ZNF624: variants seen among roughly 807,000 people sequenced by gnomAD.
ZNF624 encodes zinc finger protein 624.
ZNF624 carries 43 observed loss-of-function variants against 74.7 expected under a neutral mutation model. The ratio of observed to expected loss-of-function variants is 0.58; its 90% CI spans 0.45 to 0.74. ZNF624 has a LOEUF of 0.74. Ranked by LOEUF, ZNF624 falls within the 30% of genes least tolerant of loss-of-function variation. The pLI is 0.00. For synonymous variants in ZNF624, 331 were observed against 341.3 expected, an observed-to-expected ratio of 0.97 and a Z score of 0.33; for missense variants, 820 against 1,030.0, an observed-to-expected ratio of 0.80 and a Z score of 2.79.
At chr17:16,628,775 TA>T (rs373568155) in intron 5 of ZNF624, among the ~76,000 whole-genome samples, 122 of 138,712 alleles carry the variant, frequency 8.8e-4, no homozygotes, top group East Asian at 8.4e-4. Flanking sequence ...CCACAAGAGA[TA>T]AAAAAAAAAA....
chr17:16,625,384 G>T (rs1399887439), intron 5 of ZNF624, among the ~76,000 whole-genome samples: 3 of 152,164 alleles, frequency 2.0e-5, no homozygotes, highest in Non-Finnish European at 4.4e-5. Flanking sequence ...GTTTCGCCAT[G>T]TTGGCCAGGC....
chr17:16,624,479 GC>G lies in ZNF624; in HGVS notation c.406del (p.Ala136LeufsTer17). 6.3e-7 allele frequency: 1 copy of G among 1,582,844 alleles called. No homozygotes were observed. The highest frequency in any genetic ancestry group is 8.5e-7 in the Non-Finnish European group (1 of 1,169,896). Reference sequence around the variant, plus strand: ...TTCAGAAATAGCCTTTGTTCGTGTAGCCTTCTTGGTTGCAGGTTTGGGCTCC... The same window carrying G: ...TTCAGAAATAGCCTTTGTTCGTGTAGCTTCTTGGTTGCAGGTTTGGGCTCC... ...DMEPKPATKK[A>X]TRTKAISEDL... On this transcript the variant is annotated frameshift_variant, in exon 6 of 6. Transcript: ENST00000311331. LOFTEE classifies it high-confidence loss of function.
chr17:16,630,445 T>C (rs1372769002), intron 5 of ZNF624, among the ~76,000 whole-genome samples: 3 of 152,084 alleles, frequency 2.0e-5, no homozygotes, highest in African/African-American at 7.2e-5. Flanking sequence ...TAATCCCAGC[T>C]ACTGAAGAGG....
Position 16,622,872 on chromosome 17 carries a change from C to G in ZNF624, c.2014G>C (p.Glu672Gln). ...HTGEKPYKCN[E>Q]CEKAFTNTSQ... ...GTATTAGTGAAGGCTTTCTCACATTCATTACATTTATATGGTTTTTCTCCA... is the reference window on the plus strand; with the variant it reads ...GTATTAGTGAAGGCTTTCTCACATTGATTACATTTATATGGTTTTTCTCCA... The change falls in exon 6 of 6, where the codon GAA becomes CAA. Residue 672 changes from glutamate to glutamine, a missense_variant. Physicochemically the swap from Glu to Gln is conservative, Grantham distance 29. Transcript: ENST00000311331. 1 of 1,613,890 alleles carries G rather than the reference C, an allele frequency of 6.2e-7. No individual in the cohort carries two copies. Among genetic ancestry groups the G allele is most frequent in the African/African-American group, 1.3e-5 (1 of 75,020 alleles).
intron 2 of ZNF624, among the ~76,000 whole-genome samples, chr17:16,648,169 C>G (rs1003969912): frequency 3.3e-5 from 5 of 151,788 alleles, no homozygotes; most frequent in Admixed American, 3.3e-4. Flanking sequence ...GTCTTGAACT[C>G]CTGGGCTCAG....
chr17:16,634,938 T>C, intron 3 of ZNF624, among the ~76,000 whole-genome samples, 182 bp from the exon 4 acceptor site: 1 of 152,230 alleles, frequency 6.6e-6, no homozygotes, highest in East Asian at 1.9e-4. Flanking sequence ...GAAACCATAA[T>C]ATGCTGCCTA....
At chr17:16,641,579 C>G (rs1408773486) in intron 3 of ZNF624, among the ~76,000 whole-genome samples, 1 of 152,200 alleles carries the variant, frequency 6.6e-6, no homozygotes, top group Non-Finnish European at 1.5e-5. Context: ...CCACCATGCC[C>G]AGACATTCCT....
intron 1 of ZNF624, among the ~76,000 whole-genome samples, chr17:16,650,249 T>C (rs1203709196): frequency 1.3e-5 from 2 of 151,940 alleles, no homozygotes; most frequent in Non-Finnish European, 2.9e-5. Flanking sequence ...CCACGAAGAG[T>C]CTATTTCCTA....
At chr17:16,631,367 TAAAGAACAG>T (rs1387209881) in intron 5 of ZNF624, 9 of 151,908 alleles carry the variant, frequency 5.9e-5, no homozygotes, top group Non-Finnish European at 1.3e-4. Flanking sequence ...AATAAAATAA[TAAAGAACAG>T]AAAGTAATAA....
At chr17:16,644,624 T>C (rs7226328) in intron 3 of ZNF624, among the ~76,000 whole-genome samples, 49,390 of 152,090 alleles carry the variant, frequency 0.32, 10,605 homozygotes, top group African/African-American at 0.61. Flanking sequence ...GCCAGACTGA[T>C]GTAAAAGTTT....
At chr17:16,637,518 G>C (rs1264699858) in intron 3 of ZNF624, among the ~76,000 whole-genome samples, 1 of 152,056 alleles carries the variant, frequency 6.6e-6, no homozygotes, top group Non-Finnish European at 1.5e-5. Context: ...CCAAAACAGA[G>C]ATATAGATCA....
Position 16,623,850 on chromosome 17 carries a change from A to ACT in ZNF624, c.1035_1036insAG (p.Leu347HisfsTer146). On this transcript the variant is annotated frameshift_variant, in exon 6 of 6. Transcript: ENST00000311331. LOFTEE classifies it high-confidence loss of function. The surrounding 1 kb of genome is among the most constrained non-coding windows in gnomAD (Gnocchi z 5.3). ...TGAATTCTCTGATGTACCATAAGTG[A>ACT]TGAAGAAGCAATGAAGGCCTTTCCA... The ACT allele has an allele frequency of 6.2e-7, 1 of 1,613,900 alleles. No homozygotes were observed. Among genetic ancestry groups the ACT allele is most frequent in the Non-Finnish European group, 8.5e-7 (1 of 1,179,970 alleles).
At chr17:16,639,682 A>G (rs1448085870) in intron 3 of ZNF624, among the ~76,000 whole-genome samples, 1 of 152,194 alleles carries the variant, frequency 6.6e-6, no homozygotes, top group Admixed American at 6.5e-5. Context: ...CTGTCTAATC[A>G]TTAACTATCA....
At chr17:16,616,975 G>A (rs896981022), downstream of ZNF624, 36 of 1,598,684 alleles carry the variant, frequency 2.3e-5, no homozygotes, top group Non-Finnish European at 3.0e-5. Flanking sequence ...AGGTAGCGGC[G>A]AATTGGAACG....
At chr17:16,633,751 G>C in intron 5 of ZNF624, 111 bp downstream of exon 5, 1 of 778,686 alleles carries the variant, frequency 1.3e-6, no homozygotes, top group Non-Finnish European at 2.1e-6. Flanking sequence ...CTTCCTCTGA[G>C]ACAGCGTTGA....
Position 16,622,269 on chromosome 17 carries a change from GTGAA to G in ZNF624, c.*15_*18del. The G allele has an allele frequency of 6.6e-7, 1 of 1,507,896 alleles. No individual in the cohort carries two copies. The highest frequency in any genetic ancestry group is 8.9e-7 in the Non-Finnish European group (1 of 1,128,944). The allele number at this position is 1,507,896 out of a possible 1,614,324, so 93.4% of individuals were successfully genotyped here. A position where few individuals can be genotyped will look rare whatever the true frequency, so the allele number is the denominator to read the frequency against. ...TTCATCTTGTGGAGTTGACATCTAG[GTGAA>G]TGACTTATTGTTCTTTATATTAACT... On this transcript the variant is annotated 3_prime_UTR_variant, in exon 6 of 6. Coordinates refer to ENST00000311331, the MANE Select transcript of ZNF624 (RefSeq NM_020787.4).
chr17:16,643,192 T>C (rs913229209), intron 3 of ZNF624, among the ~76,000 whole-genome samples: 6 of 152,106 alleles, frequency 3.9e-5, no homozygotes, highest in Non-Finnish European at 8.8e-5. Context: ...CCAAGAGAAA[T>C]GAAAACACAT....
chr17:16,624,405 A>T lies in ZNF624; in HGVS notation c.481T>A (p.Trp161Arg), dbSNP rs1597490672. The change falls in exon 6 of 6, where the codon TGG becomes AGG. Residue 161 changes from tryptophan to arginine, a missense_variant. By Grantham distance (101) the Trp-to-Arg change is moderately radical. Coordinates refer to ENST00000311331, the MANE Select transcript of ZNF624 (RefSeq NM_020787.4). ...ILEKLTENGL[W>R]DSRMEGLWKW... ...CATAACCCTTCCATTCTGGAATCCC[A>T]CAGACCATTCTCTGTAAGTTTCTCT... 2 of 1,613,778 alleles carry T rather than the reference A, an allele frequency of 1.2e-6. No individual in the cohort carries two copies. The highest frequency in any genetic ancestry group is 8.5e-7 in the Non-Finnish European group (1 of 1,179,930).
rs1034055423 is a variant in ZNF624, at chr17:16,620,997, C to T, written c.*1291G>A. On this transcript the variant is annotated 3_prime_UTR_variant, in exon 6 of 6. Transcript: ENST00000311331. Reference sequence around the variant, plus strand: ...GTCTCCCCTTCCCTTATCTCTACTTCTCCTTTTCTCACTCCCCTCAAGGTA... The same window carrying T: ...GTCTCCCCTTCCCTTATCTCTACTTTTCCTTTTCTCACTCCCCTCAAGGTA... 10 of 152,218 alleles carry T rather than the reference C, an allele frequency of 6.6e-5. No individual in the cohort carries two copies. Among genetic ancestry groups the T allele is most frequent in the Admixed American group, 3.9e-4 (6 of 15,294 alleles). 9.4% of individuals were successfully genotyped at this position (152,218 alleles called of 1,614,324 possible).
Sources: gnomAD v4.1 joint callset for allele counts (sites outside exome capture counted in the v4.1 genomes callset) on GRCh38, gnomAD v4.1.1 for gene constraint, Gnocchi (gnomAD v3.1) non-coding constraint, MANE v1.5 for transcripts, NCBI Gene and HGNC (gene_info 2026-07-23, HGNC 2026-07-21) for gene names.